NOXRED1: variants seen among roughly 807,000 people sequenced by gnomAD.
NOXRED1 encodes NADP-dependent oxidoreductase domain-containing protein 1.
NOXRED1 carries 20 observed loss-of-function variants against 30.4 expected under a neutral mutation model. That is an observed-to-expected ratio of 0.66 (90% confidence interval 0.46 to 0.96). The LOEUF (loss-of-function observed/expected upper bound fraction) is 0.96, where lower values mean the gene tolerates loss of function less well. Ranked by LOEUF, NOXRED1 falls within the 40% of genes least tolerant of loss-of-function variation. The pLI is 0.00. For missense variants in NOXRED1, 374 were observed against 428.0 expected, an observed-to-expected ratio of 0.87 and a Z score of 1.11; for synonymous variants, 155 against 168.0, an observed-to-expected ratio of 0.92 and a Z score of 0.60.
At chr14:77,408,068 A>G (rs1382931581) in intron 2 of NOXRED1, among the ~76,000 whole-genome samples, 2 of 152,032 alleles carry the variant, frequency 1.3e-5, no homozygotes, top group African/African-American at 4.8e-5. Context: ...GGGTTTCACT[A>G]TGTTGGCCAG....
intron 4 of NOXRED1, 50 bp from the exon 5 acceptor site, chr14:77,406,185 T>C (rs2139675121): frequency 2.2e-6 from 3 of 1,364,060 alleles, no homozygotes; most frequent in Non-Finnish European, 3.1e-6. Context: ...CAAAAATGAG[T>C]TGCAGAAAAC....
intron 1 of NOXRED1, among the ~76,000 whole-genome samples, chr14:77,422,201 A>AT (rs1261030667): frequency 6.6e-6 from 1 of 152,208 alleles, no homozygotes; most frequent in Non-Finnish European, 1.5e-5. Context: ...CACATTTCCT[A>AT]TTTAAGTGTC....
Position 77,399,086 on chromosome 14 carries a change from A to T in NOXRED1, c.906-4281T>A, listed in dbSNP as rs187849304. Among the ~76,000 whole-genome samples the T allele has an allele frequency of 4.1e-4, 62 of 152,228 alleles. No homozygotes were observed. In the East Asian group the frequency reaches 9.8e-3, roughly 24 times the overall value. ...AGCCAAAAAACAAAAAACCACCAAA[A>T]CCCACAATTTGAAAAGGTAGAACAA... On this transcript the variant is annotated intron_variant, in intron 5 of 5. Transcript: ENST00000380835.
rs577787048 is a variant in NOXRED1, at chr14:77,402,958, C to T, written c.905+2955G>A. ...GCTGAGGCAGGAGAATCGCTTGAAC[C>T]CAGGAGGCAGAGATCGCAGTGAGCC... is the stretch of plus-strand genomic sequence containing the variant. On this transcript the variant is annotated intron_variant, in intron 5 of 5. Transcript: ENST00000380835. Among the ~76,000 whole-genome samples, 10 of 151,974 alleles carry T rather than the reference C, an allele frequency of 6.6e-5. No homozygotes were observed. In the South Asian group the frequency reaches 1.9e-3, roughly 28 times the overall value.
At chr14:77,398,397 T>C (rs1894240622) in intron 5 of NOXRED1, among the ~76,000 whole-genome samples, 1 of 152,180 alleles carries the variant, frequency 6.6e-6, no homozygotes, top group South Asian at 2.1e-4. Flanking sequence ...GGAGAAACTA[T>C]TTAACCAGAG....
chr14:77,407,104 G>A (rs1356960633), intron 3 of NOXRED1, among the ~76,000 whole-genome samples: 1 of 152,228 alleles, frequency 6.6e-6, no homozygotes, highest in African/African-American at 2.4e-5. Flanking sequence ...AACTAAGTGT[G>A]CAGAAATAAT....
At position 77,394,316 on chromosome 14, in the gene NOXRED1, T is replaced by A; in HGVS notation, c.*315A>T. The A allele has an allele frequency of 5.4e-6, 1 of 186,546 alleles. No individual in the cohort carries two copies. The highest frequency in any genetic ancestry group is 1.1e-5 in the Non-Finnish European group (1 of 90,908). 11.6% of individuals were successfully genotyped at this position (186,546 alleles called of 1,614,324 possible). ...GCAGTATGTAATTGTCTAAAACTTA[T>A]AACATTATAACTTCTTTAATTTTAG... On this transcript the variant is annotated 3_prime_UTR_variant, in exon 6 of 6. Coordinates refer to ENST00000380835, the MANE Select transcript of NOXRED1 (RefSeq NM_001113475.3).
At chr14:77,399,584 T>G (rs1378582130) in intron 5 of NOXRED1, among the ~76,000 whole-genome samples, 1 of 152,182 alleles carries the variant, frequency 6.6e-6, no homozygotes, top group Admixed American at 6.5e-5. Flanking sequence ...GTGACAGATA[T>G]GAAGAATATC....
At chr14:77,416,836 C>G (rs1894839845) in intron 1 of NOXRED1, among the ~76,000 whole-genome samples, 1 of 147,766 alleles carries the variant, frequency 6.8e-6, no homozygotes, top group Non-Finnish European at 1.5e-5. Flanking sequence ...GGGGGGCTGA[C>G]CCCCCCACCT....
Position 77,423,006 on chromosome 14 carries a change from G to A in NOXRED1, c.-117C>T. The A allele has an allele frequency of 1.2e-6, 1 of 803,708 alleles. No homozygotes were observed. Among genetic ancestry groups the A allele is most frequent in the Non-Finnish European group, 2.0e-6 (1 of 494,362 alleles). 49.8% of individuals were successfully genotyped at this position (803,708 alleles called of 1,614,324 possible). The stretch of plus-strand genomic sequence containing the variant: ...GATGGTGTGTGTGCCCAGGTCACAA[G>A]CACTCATGATGATGGGCTTCAGCAC... On this transcript the variant is annotated 5_prime_UTR_variant, in exon 1 of 6. Coordinates refer to ENST00000380835, the MANE Select transcript of NOXRED1 (RefSeq NM_001113475.3).
rs1413161157 is a variant in NOXRED1 at position 77,413,992 on chromosome 14, C to T, written c.291G>A (p.Gln97=). The change falls in exon 2 of 6, where the codon CAG becomes CAA. Residue 97 remains glutamine, a synonymous_variant. Transcript: ENST00000380835. ...GGCTTTCAGCAGGGATGGGGCCAAG[C>T]TGCAGCAGTGTGCCAGCCAGCTGCT... ...LGKQLAGTLL[Q]LGPIPAESLR... 7.4e-6 allele frequency: 12 copies of T among 1,610,932 alleles called. No homozygotes were observed. The highest frequency in any genetic ancestry group is 1.3e-5 in the African/African-American group (1 of 74,870).
In NOXRED1 at chr14:77,405,993, C is replaced by T. The variant is rs773934230; in HGVS notation, c.825G>A (p.Gly275=). The stretch of plus-strand genomic sequence containing the variant: ...ACTTTGGGCAAGATGCTGTGTCTTT[C>T]CCACAGTCTTCAAAGTGCACGGAGA... The part of the protein sequence containing the change: ...LFLSVHFEDC[G]KDTASCPKLQ... Residue 275 remains glycine, a synonymous_variant, in exon 5 of 6, where the codon GGG becomes GGA. Coordinates refer to ENST00000380835, the MANE Select transcript of NOXRED1 (RefSeq NM_001113475.3). The T allele has an allele frequency of 1.9e-6, 3 of 1,613,782 alleles. No homozygotes were observed. The highest frequency in any genetic ancestry group is 2.5e-6 in the Non-Finnish European group (3 of 1,179,802).
At chr14:77,420,346 T>C (rs989998779) in intron 1 of NOXRED1, among the ~76,000 whole-genome samples, 3 of 151,972 alleles carry the variant, frequency 2.0e-5, no homozygotes, top group African/African-American at 7.3e-5. Flanking sequence ...TTTATTCATG[T>C]ATTGTTTTCC....
chr14:77,410,327 T>C (rs1894616895), intron 2 of NOXRED1, among the ~76,000 whole-genome samples: 1 of 151,910 alleles, frequency 6.6e-6, no homozygotes, highest in African/African-American at 2.4e-5. Flanking sequence ...AAAATAAACC[T>C]GGGCACTGTG....
intron 1 of NOXRED1, 46 bp from the exon 2 acceptor site, chr14:77,414,173 T>A: frequency 2.7e-6 from 3 of 1,128,218 alleles, no homozygotes; most frequent in Non-Finnish European, 3.7e-6. Context: ...ATGCACACAC[T>A]AGTTTTTCTT....
intron 1 of NOXRED1, among the ~76,000 whole-genome samples, chr14:77,414,854 A>G (rs1285720513): frequency 6.6e-6 from 1 of 152,000 alleles, no homozygotes; most frequent in Non-Finnish European, 1.5e-5. Context: ...TTCTGTGCAG[A>G]CAGCTTTCAA....
chr14:77,410,081 G>T (rs1378997492), intron 2 of NOXRED1, among the ~76,000 whole-genome samples: 1 of 151,906 alleles, frequency 6.6e-6, no homozygotes, highest in Non-Finnish European at 1.5e-5. Context: ...GGGATTACCG[G>T]CATGAGCCAC....
rs757287580 is a variant in NOXRED1 at position 77,406,061 on chromosome 14, T to C, written c.757A>G (p.Met253Val). 6.2e-7 allele frequency: 1 copy of C among 1,613,884 alleles called. No homozygotes were observed. The highest frequency in any genetic ancestry group is 1.3e-5 in the African/African-American group (1 of 75,058). ...AALNICTARN[M>V]AHSQVLQLLS... The stretch of plus-strand genomic sequence containing the variant: ...AGCTGCAGCACTTGGGAGTGGGCCA[T>C]GTTTCTTGCTGTGCATATGTTTAGG... The change falls in exon 5 of 6, where the codon ATG becomes GTG. Residue 253 changes from methionine (M) to valine (V), a missense_variant. Physicochemically the swap from Met to Val is conservative, Grantham distance 21. Coordinates refer to ENST00000380835, the MANE Select transcript of NOXRED1 (RefSeq NM_001113475.3).
At position 77,407,536 on chromosome 14, in the gene NOXRED1, G is replaced by A. The variant is rs548516697; in HGVS notation, c.459C>T (p.Cys153=). ...TCTCAAGGCTGGTGTAAATTTCTAC[G>A]CAGATATTAGGCAGCTGAGACGGCA... is the stretch of plus-strand genomic sequence containing the variant. ...CCLPSQLPNI[C]VEIYTSLEKA... is the part of the protein sequence containing the mutation. Residue 153 remains cysteine, a synonymous_variant, in exon 3 of 6, where the codon TGC becomes TGT. Coordinates refer to ENST00000380835, the MANE Select transcript of NOXRED1 (RefSeq NM_001113475.3). The A allele has an allele frequency of 8.7e-6, 14 of 1,613,886 alleles. No homozygotes were observed. The highest frequency in any genetic ancestry group is 5.5e-5 in the South Asian group (5 of 91,086).
Sources: allele counts gnomAD v4.1 joint callset (sites outside exome capture counted in the v4.1 genomes callset), GRCh38; gene constraint gnomAD v4.1.1; transcripts MANE v1.5; gene names NCBI Gene and HGNC (gene_info 2026-07-23, HGNC 2026-07-21).